Variants in REV3L observed in about 807,000 individuals in gnomAD.
REV3L encodes the protein REV3 like, DNA directed polymerase zeta catalytic subunit.
In REV3L, 69 loss-of-function variants were observed where a neutral mutation model predicts 299.4. The ratio of observed to expected loss-of-function variants is 0.23; its 90% CI spans 0.19 to 0.28. REV3L has a LOEUF of 0.28. Ranked by LOEUF, REV3L falls within the 10% of genes least tolerant of loss-of-function variation. The pLI, the probability that REV3L is intolerant of heterozygous loss-of-function variation, is 1.00. For missense variants in REV3L, 3,128 were observed against 3,693.8 expected, an observed-to-expected ratio of 0.85 and a Z score of 3.97; for synonymous variants, 1,238 against 1,271.4, an observed-to-expected ratio of 0.97 and a Z score of 0.56.
chr6:111,354,917 A>T (rs1381555467), intron 18 of REV3L, among the ~76,000 whole-genome samples: 1 of 152,196 alleles, frequency 6.6e-6, no homozygotes, highest in Non-Finnish European at 1.5e-5. Flanking sequence ...GTACTCTAGT[A>T]GAGGCAAGGG....
At chr6:111,315,067 C>T (rs1003484874) in intron 27 of REV3L, among the ~76,000 whole-genome samples, 200 bp downstream of exon 27, 4 of 151,944 alleles carry the variant, frequency 2.6e-5, no homozygotes, top group African/African-American at 9.7e-5. Flanking sequence ...CCAGGCTGAT[C>T]TCAAACTCCT....
In REV3L at chr6:111,374,580, G is replaced by C; in HGVS notation, c.3775C>G (p.Gln1259Glu). The change falls in exon 13 of 32, where the codon CAA becomes GAA. Residue 1259 changes from glutamine to glutamate, a missense_variant. Around this residue, in one of 9 missense-constraint regions of REV3L, gnomAD observed 2,409 missense variants for 2,611.8 expected, o/e 0.92. Transcript: ENST00000368802. ...ATATCTTTCTGTTTAAAAAGTAGTT[G>C]AGAGCCTCCAGAACTACTTGCAAAT... ...SEFASSSGGS[Q>E]LLFKQKDMPL... 6.2e-7 allele frequency: 1 copy of C among 1,613,982 alleles called. No individual in the cohort carries two copies. Among genetic ancestry groups the C allele is most frequent in the South Asian group, 1.1e-5 (1 of 91,036 alleles).
At chr6:111,378,230 G>A (rs1780502870) in intron 11 of REV3L, among the ~76,000 whole-genome samples, 1 of 152,144 alleles carries the variant, frequency 6.6e-6, no homozygotes, top group South Asian at 2.1e-4. Flanking sequence ...GTAATAGGAA[G>A]TAGTAAAGGT....
chr6:111,375,238 T>C lies in REV3L; in HGVS notation c.3117A>G (p.Pro1039=). 1.2e-6 allele frequency: 2 copies of C among 1,612,422 alleles called. No homozygotes were observed. The highest frequency in any genetic ancestry group is 1.7e-6 in the Non-Finnish European group (2 of 1,179,708). The change falls in exon 13 of 32, where the codon CCA becomes CCG. Residue 1039 remains proline, a synonymous_variant. Coordinates refer to ENST00000368802, the MANE Select transcript of REV3L (RefSeq NM_001372078.1). The stretch of plus-strand genomic sequence containing the variant: ...TTCTGTGACTTTTCTTTGGTGTTAG[T>C]GGATAAATGGGATATTTGGTTGCAG... ...DSPATKYPIY[P]LTPKKSHRRK...
chr6:111,463,831 T>C (rs1022129622), intron 1 of REV3L, among the ~76,000 whole-genome samples: 1 of 152,198 alleles, frequency 6.6e-6, no homozygotes, highest in East Asian at 1.9e-4. Flanking sequence ...TGTGTAACTC[T>C]TTTCTCTACC....
intron 21 of REV3L, among the ~76,000 whole-genome samples, chr6:111,343,067 C>T (rs1776682969): frequency 6.6e-6 from 1 of 152,116 alleles, no homozygotes; most frequent in African/African-American, 2.4e-5. Context: ...GCCATATGAC[C>T]CAGTAATTCT....
At chr6:111,359,307 A>T (rs1228147313) in intron 16 of REV3L, among the ~76,000 whole-genome samples, 2 of 152,164 alleles carry the variant, frequency 1.3e-5, no homozygotes, top group African/African-American at 4.8e-5. Context: ...AAAGAGAATG[A>T]CTAGTCCAAG....
chr6:111,405,528 A>G lies in REV3L; in HGVS notation c.507T>C (p.Leu169=). The G allele has an allele frequency of 6.2e-7, 1 of 1,608,422 alleles. No homozygotes were observed. Among genetic ancestry groups the G allele is most frequent in the South Asian group, 1.1e-5 (1 of 89,326 alleles). ...CCAGATTTATTAAATTCATGCCATA[A>G]AGATTGTAGTCAATGAAGAGCTGTA... ...YLLQLFIDYN[L]YGMNLINLAA... Residue 169 remains leucine, a synonymous_variant, in exon 4 of 32, where the codon CTT becomes CTC. Transcript: ENST00000368802.
intron 9 of REV3L, 28 bp from the exon 10 acceptor site, chr6:111,381,472 T>C (rs199732920): frequency 6.3e-7 from 1 of 1,583,528 alleles, no homozygotes. Context: ...TAAAAAAAAT[T>C]GAAGCAATGG....
chr6:111,354,772 A>T (rs1419838725), intron 18 of REV3L, among the ~76,000 whole-genome samples: 2 of 152,180 alleles, frequency 1.3e-5, no homozygotes, highest in African/African-American at 4.8e-5. Flanking sequence ...TTAGTGGTGA[A>T]AACAACCCAA....
chr6:111,306,895 G>A lies in REV3L; in HGVS notation c.9252+466C>T, dbSNP rs186323972. Among the ~76,000 whole-genome samples, 94 of 152,244 alleles carry A rather than the reference G, an allele frequency of 6.2e-4. 2 individuals are homozygous for A. The highest frequency in any genetic ancestry group is 1.2e-3 in the South Asian group (6 of 4,822). The stretch of plus-strand genomic sequence containing the variant: ...ATTTGAAACGCTTAAGACCAGAAGT[G>A]TTTCAGATTTCAAATTTTTTCAGAT... On this transcript the variant is annotated intron_variant, in intron 31 of 31. Transcript: ENST00000368802.
At position 111,313,403 on chromosome 6, in the gene REV3L, A is replaced by G. The variant is rs1322776688; in HGVS notation, c.8553T>C (p.Asp2851=). The G allele has an allele frequency of 6.2e-7, 1 of 1,613,602 alleles. No individual in the cohort carries two copies. Among genetic ancestry groups the G allele is most frequent in the Non-Finnish European group, 8.5e-7 (1 of 1,179,858 alleles). ...TTCTGACTGTTTCTATTCCTTTTGC[A>G]TCAAATACTGGGTCCTTCTGATCCA... The part of the protein sequence containing the change: ...ETLDQKDPVF[D]AKGIETVRRD... The change falls in exon 28 of 32, where the codon GAT becomes GAC. Residue 2851 remains aspartate (D), a synonymous_variant. Transcript: ENST00000368802.
intron 1 of REV3L, among the ~76,000 whole-genome samples, chr6:111,474,986 T>C (rs12212645): frequency 2.0e-3 from 36 of 18,114 alleles, no homozygotes; most frequent in Admixed American, 8.7e-3. Flanking sequence ...GCTGCCTATA[T>C]ATACACACAC....
At chr6:111,399,873 ATTCC>A (rs890009896) in intron 4 of REV3L, among the ~76,000 whole-genome samples, 1 of 152,166 alleles carries the variant, frequency 6.6e-6, no homozygotes, top group Non-Finnish European at 1.5e-5. Flanking sequence ...GTACAGAATA[ATTCC>A]TTCACTCTTA....
rs536577626 is a variant in REV3L, at chr6:111,355,409, C to T, written c.7184+1605G>A. On this transcript the variant is annotated intron_variant, in intron 18 of 31. Transcript: ENST00000368802. ...GTGCTGGCTGACTCCAAAGGCTGTGCTGAGTAGGTACACAACAAATAGGGT... is the reference window on the plus strand; with the variant it reads ...GTGCTGGCTGACTCCAAAGGCTGTGTTGAGTAGGTACACAACAAATAGGGT... 2.6e-5 allele frequency among the ~76,000 whole-genome samples: 4 copies of T among 152,204 alleles called. 1 individual carries two copies. In the South Asian group the frequency reaches 8.3e-4, roughly 32 times the overall value.
At chr6:111,311,754 T>C (rs1201972757) in intron 28 of REV3L, 1 of 152,194 alleles carries the variant, frequency 6.6e-6, no homozygotes, top group African/African-American at 2.4e-5. Flanking sequence ...GAATTTTCTG[T>C]GTTGGAAATT....
Position 111,331,760 on chromosome 6 carries a change from A to G in REV3L, c.7950T>C (p.Cys2650=), listed in dbSNP as rs1247039010. ...AATCTGGAGGTACTCTCAGAGAGGT[A>G]CAGCCAAATTTGAACTCATCATACC... ...LGKYDEFKFG[C]TSLRVPPDLL... is the part of the protein sequence containing the mutation. Residue 2650 remains cysteine (C), a synonymous_variant, in exon 24 of 32, where the codon TGT becomes TGC. Coordinates refer to ENST00000368802, the MANE Select transcript of REV3L (RefSeq NM_001372078.1). 1 of 1,612,858 alleles carries G rather than the reference A, an allele frequency of 6.2e-7. No homozygotes were observed. Among genetic ancestry groups the G allele is most frequent in the Non-Finnish European group, 8.5e-7 (1 of 1,179,270 alleles).
At chr6:111,326,807 T>A (rs956343784) in intron 25 of REV3L, among the ~76,000 whole-genome samples, 3 of 146,750 alleles carry the variant, frequency 2.0e-5, no homozygotes, top group African/African-American at 5.0e-5. Flanking sequence ...ATCTGCCCTT[T>A]AAAAAAAAAA....
At chr6:111,473,603 T>C (rs561924042) in intron 1 of REV3L, among the ~76,000 whole-genome samples, 9 of 151,928 alleles carry the variant, frequency 5.9e-5, no homozygotes, top group African/African-American at 2.2e-4. Flanking sequence ...TTCTAGATTA[T>C]AGAATATTAA....
Sources: gnomAD v4.1 joint callset for allele counts (sites outside exome capture counted in the v4.1 genomes callset) on GRCh38, gnomAD v4.1.1 for gene constraint, gnomAD v4.1.1 regional missense constraint, MANE v1.5 for transcripts, NCBI Gene and HGNC (gene_info 2026-07-23, HGNC 2026-07-21) for gene names.